Variants in SOX5 observed in about 807,000 individuals in gnomAD.
SOX5 encodes SRY-box transcription factor 5.
A neutral mutation model predicts 92.0 loss-of-function variants in SOX5; 9 were observed. That is an observed-to-expected ratio of 0.10 (90% confidence interval 0.06 to 0.17). SOX5 has a LOEUF of 0.17. Ranked by LOEUF, SOX5 falls within the 10% of genes least tolerant of loss-of-function variation. The pLI, the probability that SOX5 is intolerant of heterozygous loss-of-function variation, is 1.00. For synonymous variants in SOX5, 344 were observed against 336.3 expected (o/e 1.02, Z -0.25); for missense variants, 642 against 944.5 (o/e 0.68, Z 4.20).
At chr12:23,578,144 A>AAAAAAAAAAAAAAAAAAT (rs1432589481) in intron 9 of SOX5, among the ~76,000 whole-genome samples, 1 of 134,908 alleles carries the variant, frequency 7.4e-6, no homozygotes, top group Non-Finnish European at 1.6e-5. Flanking sequence ...AAAAAAAAAA[A>AAAAAAAAAAAAAAAAAAT]AAAAAACTAT....
intron 1 of SOX5, among the ~76,000 whole-genome samples, chr12:24,509,725 T>C (rs1383920718): frequency 6.6e-6 from 1 of 152,218 alleles, no homozygotes; most frequent in Non-Finnish European, 1.5e-5. Flanking sequence ...CCTTCACTTG[T>C]ATTTGTGTTG....
At chr12:23,681,218 T>C (rs11047046) in intron 6 of SOX5, among the ~76,000 whole-genome samples, 2,778 of 151,868 alleles carry the variant, frequency 0.018, 80 homozygotes, top group African/African-American at 0.063. Context: ...TTTTAGACTC[T>C]CTGAGCATAA....
At position 23,669,957 on chromosome 12, in the gene SOX5, C is replaced by A. The variant is rs554759620; in HGVS notation, c.811-4393G>T. Among the ~76,000 whole-genome samples, 21 of 152,166 alleles carry A rather than the reference C, an allele frequency of 1.4e-4. No homozygotes were observed. The East Asian group carries it at 1.5e-3, about 11-fold the overall frequency. ...GGAAGCCAGAAGTTAATGAGAATGG[C>A]CTAGACAATCTAGAAAAGATCTGAA... On this transcript the variant is annotated intron_variant, in intron 6 of 14. Transcript: ENST00000451604.
chr12:23,858,850 T>A (rs148742044), intron 2 of SOX5, among the ~76,000 whole-genome samples: 1 of 152,334 alleles, frequency 6.6e-6, no homozygotes, highest in Non-Finnish European at 1.5e-5. Context: ...TTCATGGACA[T>A]TTATTAGTTC....
intron 9 of SOX5, chr12:23,604,133 C>T: frequency 5.3e-6 from 2 of 379,114 alleles, no homozygotes; most frequent in Non-Finnish European, 4.9e-6. Flanking sequence ...TACAAGATAC[C>T]CATCTGATAA....
At chr12:23,772,417 G>A (rs1388602848) in intron 3 of SOX5, among the ~76,000 whole-genome samples, 2 of 152,196 alleles carry the variant, frequency 1.3e-5, no homozygotes, top group Non-Finnish European at 2.9e-5. Context: ...GGCTAAAAAT[G>A]AGAATGACCA....
chr12:24,175,094 T>A (rs920925766), intron 4 of SOX5, among the ~76,000 whole-genome samples: 2 of 152,224 alleles, frequency 1.3e-5, no homozygotes, highest in African/African-American at 4.8e-5. Context: ...CATGCAAATA[T>A]TTTCAACATT....
intron 4 of SOX5, among the ~76,000 whole-genome samples, chr12:23,963,517 A>G (rs1235463088): frequency 6.6e-6 from 1 of 152,202 alleles, no homozygotes; most frequent in Non-Finnish European, 1.5e-5. Context: ...ATTTCCATAT[A>G]GGAGCAAAAT....
intron 1 of SOX5, among the ~76,000 whole-genome samples, chr12:23,915,257 T>C (rs2097400579): frequency 6.6e-6 from 1 of 152,172 alleles, no homozygotes; most frequent in South Asian, 2.1e-4. Context: ...TGTTGTTCTT[T>C]GAAATTGAAT....
chr12:23,987,479 C>G (rs1950162312), intron 4 of SOX5, among the ~76,000 whole-genome samples: 2 of 152,150 alleles, frequency 1.3e-5, no homozygotes, highest in Admixed American at 1.3e-4. Flanking sequence ...ACAAAGTGGT[C>G]TTAGAGAGGC....
At chr12:24,269,261 T>A (rs944706634) in intron 3 of SOX5, among the ~76,000 whole-genome samples, 4 of 152,220 alleles carry the variant, frequency 2.6e-5, no homozygotes, top group Non-Finnish European at 5.9e-5. Context: ...AAAAGGCGTG[T>A]ACAAATGACA....
At chr12:24,510,761 C>G (rs560932483) in intron 1 of SOX5, among the ~76,000 whole-genome samples, 2 of 152,130 alleles carry the variant, frequency 1.3e-5, no homozygotes, top group South Asian at 4.1e-4. Context: ...AGAGAGGGAA[C>G]GCATGCCAGA....
chr12:23,735,739 T>G (rs1042827963), intron 5 of SOX5, among the ~76,000 whole-genome samples: 7 of 152,240 alleles, frequency 4.6e-5, no homozygotes, highest in African/African-American at 1.7e-4. Context: ...TATAGTCATC[T>G]TAAGTATTTC....
intron 5 of SOX5, among the ~76,000 whole-genome samples, chr12:23,739,572 T>A (rs1476033875): frequency 6.6e-6 from 1 of 152,200 alleles, no homozygotes; most frequent in Non-Finnish European, 1.5e-5. Flanking sequence ...CACTTCCATA[T>A]CTGATTCTTT....
intron 1 of SOX5, among the ~76,000 whole-genome samples, chr12:24,538,846 T>A (rs1421227114): frequency 6.6e-6 from 1 of 152,196 alleles, no homozygotes; most frequent in East Asian, 1.9e-4. Context: ...TTTCTAAATC[T>A]ATCTTTATCA....
intron 4 of SOX5, among the ~76,000 whole-genome samples, chr12:24,088,606 C>A (rs115750161): frequency 6.6e-6 from 1 of 151,602 alleles, no homozygotes; most frequent in Non-Finnish European, 1.5e-5. Flanking sequence ...TTACTAGATG[C>A]GAAAGGGCTC....
intron 7 of SOX5, among the ~76,000 whole-genome samples, chr12:23,660,702 G>GT (rs2082920837): frequency 8.3e-6 from 1 of 120,988 alleles, no homozygotes. Context: ...TAACTTCCAG[G>GT]TTAAAAAAAA....
chr12:24,017,401 G>C lies in SOX5; in HGVS notation c.-1-121377C>G, dbSNP rs557886671. Among the ~76,000 whole-genome samples the C allele has an allele frequency of 6.1e-4, 93 of 152,122 alleles. No individual in the cohort carries two copies. In the South Asian group the frequency reaches 0.013, roughly 21 times the overall value. On this transcript the variant is annotated intron_variant, in intron 4 of 4. Coordinates refer to the SOX5 transcript ENST00000446891. ...ATCACTTGAGGCCAGTTCAAGACCA[G>C]CCTGGCCAACATGGTGAAACCCCCA...
chr12:24,183,084 T>C (rs750808401), intron 4 of SOX5, among the ~76,000 whole-genome samples: 2 of 152,166 alleles, frequency 1.3e-5, no homozygotes, highest in African/African-American at 2.4e-5. Context: ...GTCATGAGAT[T>C]TCTCCCACAA....
Sources: gnomAD v4.1 joint callset for allele counts (sites outside exome capture counted in the v4.1 genomes callset) on GRCh38, gnomAD v4.1.1 for gene constraint, MANE v1.5 for transcripts, NCBI Gene and HGNC (gene_info 2026-07-23, HGNC 2026-07-21) for gene names.